The following EPM2A variants were observed in gnomAD, a reference collection of about 807,000 sequenced individuals.
EPM2A encodes the protein laforin.
In EPM2A, 21 loss-of-function variants were observed where a neutral mutation model predicts 26.5. The observed-to-expected ratio is 0.79, with a 90% CI of 0.56 to 1.14. EPM2A has a LOEUF of 1.14. Ranked by LOEUF, EPM2A falls within the 50% of genes most tolerant of loss-of-function variation. The pLI is 0.00. For synonymous variants in EPM2A, 217 were observed against 177.6 expected (o/e 1.22, Z -1.76); for missense variants, 458 against 440.8 (o/e 1.04, Z -0.35).
intron 2 of EPM2A, among the ~76,000 whole-genome samples, chr6:145,656,987 C>G (rs1056584426): frequency 1.3e-5 from 2 of 151,470 alleles, no homozygotes; most frequent in African/African-American, 4.9e-5. Context: ...CAAAATCAGG[C>G]AGAATTCGTG....
At chr6:145,549,853 GCT>G (rs966231191) in intron 2 of EPM2A, among the ~76,000 whole-genome samples, 1 of 152,062 alleles carries the variant, frequency 6.6e-6, no homozygotes, top group African/African-American at 2.4e-5. Context: ...AAGCCATGTG[GCT>G]CTGCTTCTCT....
intron 4 of EPM2A, among the ~76,000 whole-genome samples, chr6:145,448,465 G>A (rs1454143218): frequency 6.6e-6 from 1 of 152,098 alleles, no homozygotes; most frequent in African/African-American, 2.4e-5. Context: ...TTAAAGAAGA[G>A]AAAGGAAGGG....
intron 4 of EPM2A, among the ~76,000 whole-genome samples, chr6:145,475,743 AAG>A (rs1779534408): frequency 6.6e-6 from 1 of 152,136 alleles, no homozygotes; most frequent in African/African-American, 2.4e-5. Flanking sequence ...AATAAGTTAT[AAG>A]AGAGTATTTG....
intron 2 of EPM2A, among the ~76,000 whole-genome samples, chr6:145,671,676 G>A (rs1468737370): frequency 6.6e-6 from 1 of 152,120 alleles, no homozygotes; most frequent in East Asian, 1.9e-4. Flanking sequence ...TCCTTAGTCT[G>A]TCTCCAAAGT....
intron 2 of EPM2A, among the ~76,000 whole-genome samples, chr6:145,650,013 C>A (rs891551709): frequency 6.6e-6 from 1 of 152,080 alleles, no homozygotes; most frequent in African/African-American, 2.4e-5. Context: ...AAACGTTCAT[C>A]AAATACAGGG....
chr6:145,533,750 C>T (rs763824923), intron 2 of EPM2A, among the ~76,000 whole-genome samples: 5 of 152,120 alleles, frequency 3.3e-5, no homozygotes, highest in Non-Finnish European at 7.4e-5. Flanking sequence ...TAGATCCCTC[C>T]ACCTCTCCCC....
At chr6:145,664,869 C>T (rs1779044384) in intron 2 of EPM2A, among the ~76,000 whole-genome samples, 1 of 151,428 alleles carries the variant, frequency 6.6e-6, no homozygotes, top group Non-Finnish European at 1.5e-5. Context: ...TCACTCAAAG[C>T]CACTCAACTA....
chr6:145,673,717 G>T (rs1279584935), intron 2 of EPM2A, among the ~76,000 whole-genome samples: 3 of 152,070 alleles, frequency 2.0e-5, no homozygotes, highest in African/African-American at 2.4e-5. Context: ...GCAGCCTGGT[G>T]GGGGGAGGGG....
intron 4 of EPM2A, among the ~76,000 whole-genome samples, chr6:145,403,492 T>C (rs1030183151): frequency 4.6e-5 from 7 of 151,972 alleles, no homozygotes; most frequent in Admixed American, 4.6e-4. Flanking sequence ...TTTTGATTTT[T>C]AGATCCCACA....
At chr6:145,442,755 A>G (rs1779080976) in intron 4 of EPM2A, among the ~76,000 whole-genome samples, 1 of 152,024 alleles carries the variant, frequency 6.6e-6, no homozygotes, top group South Asian at 2.1e-4. Context: ...TGGGCTCTCT[A>G]TTCTGTTCCA....
chr6:145,399,269 C>T (rs915067596), intron 4 of EPM2A, among the ~76,000 whole-genome samples: 4 of 152,172 alleles, frequency 2.6e-5, no homozygotes, highest in East Asian at 1.9e-4. Context: ...ACTTGCTCTC[C>T]CCTAGGTTAT....
At chr6:145,427,701 C>T (rs546399130) in intron 4 of EPM2A, among the ~76,000 whole-genome samples, 1 of 152,116 alleles carries the variant, frequency 6.6e-6, no homozygotes, top group Non-Finnish European at 1.5e-5. Context: ...ATGATGATGG[C>T]CCTTACTACT....
chr6:145,730,024 TTC>T (rs1327998602), intron 1 of EPM2A, among the ~76,000 whole-genome samples: 12 of 152,150 alleles, frequency 7.9e-5, no homozygotes, highest in African/African-American at 2.7e-4. Flanking sequence ...TTCCCCATCT[TTC>T]TCTCTTCCTC....
chr6:145,422,745 G>T (rs1405636173), intron 4 of EPM2A, among the ~76,000 whole-genome samples: 1 of 151,894 alleles, frequency 6.6e-6, no homozygotes, highest in South Asian at 2.1e-4. Flanking sequence ...ACAGAATTTT[G>T]TTATTTTTAT....
chr6:145,705,284 AC>A (rs1782154738), intron 1 of EPM2A, among the ~76,000 whole-genome samples: 1 of 152,170 alleles, frequency 6.6e-6, no homozygotes, highest in African/African-American at 2.4e-5. Context: ...CCCTGTCTCT[AC>A]CAAAAACAAA....
chr6:145,575,776 C>T (rs1321633164), intron 2 of EPM2A, among the ~76,000 whole-genome samples: 1 of 152,150 alleles, frequency 6.6e-6, no homozygotes, highest in Non-Finnish European at 1.5e-5. Flanking sequence ...AGAAGTAGAT[C>T]CTTAGCATTT....
chr6:145,657,723 C>A (rs1778399055), intron 2 of EPM2A, among the ~76,000 whole-genome samples: 1 of 152,202 alleles, frequency 6.6e-6, no homozygotes, highest in Non-Finnish European at 1.5e-5. Flanking sequence ...TTTATTAGAA[C>A]TTTAGGAACA....
At chr6:145,550,912 G>A (rs1195611270) in intron 2 of EPM2A, among the ~76,000 whole-genome samples, 1 of 151,976 alleles carries the variant, frequency 6.6e-6, no homozygotes, top group Non-Finnish European at 1.5e-5. Context: ...CAACAGTAGG[G>A]TATTAGTAGT....
chr6:145,657,998 T>G (rs567246400), intron 2 of EPM2A, among the ~76,000 whole-genome samples: 2 of 152,306 alleles, frequency 1.3e-5, no homozygotes, highest in South Asian at 4.1e-4. Context: ...GAATAAAACT[T>G]CATTACCTTC....
Sources: allele counts gnomAD v4.1 joint callset (sites outside exome capture counted in the v4.1 genomes callset), GRCh38; gene constraint gnomAD v4.1.1; transcripts MANE v1.5; gene names NCBI Gene and HGNC (gene_info 2026-07-23, HGNC 2026-07-21).